DACH2: variants seen among roughly 807,000 people sequenced by gnomAD.
DACH2 encodes the protein dachshund family transcription factor 2.
Under a neutral mutation model 35.8 loss-of-function variants are expected in DACH2, and 17 were observed. That is an observed-to-expected ratio of 0.48 (90% confidence interval 0.33 to 0.71). The LOEUF is 0.71. Among genes scored for constraint, DACH2 ranks in the 30% least tolerant of loss-of-function variants. DACH2 has a pLI of 0.02. For synonymous variants in DACH2, 195 were observed against 177.3 expected (o/e 1.10, Z -0.79); for missense variants, 469 against 472.7 (o/e 0.99, Z 0.07).
At position 86,436,600 on chromosome X, in the gene DACH2, GT is replaced by G; in HGVS notation, c.527+59745del. Among the ~76,000 whole-genome samples the G allele has an allele frequency of 3.6e-5, 4 of 110,793 alleles. No homozygotes were observed. The Middle Eastern group carries it at 0.019, about 515-fold the overall frequency. On this transcript the variant is annotated intron_variant, in intron 2 of 11. Transcript: ENST00000373125. ...ATTTTATTGACAGATTTGGACTGTG[GT>G]TTTTTTCTTGCAATGTCTTTAGTTT...
At chrX:86,375,391 ATATATATATACATATATATATG>A (rs2035947911) in intron 1 of DACH2, among the ~76,000 whole-genome samples, 1 of 101,176 alleles carries the variant, frequency 9.9e-6, no homozygotes, top group African/African-American at 3.5e-5. Flanking sequence ...TAATACATAT[ATATATATATACATATATATATG>A]TATATATATA....
chrX:86,217,954 G>A (rs2032617461), intron 1 of DACH2, among the ~76,000 whole-genome samples: 1 of 111,740 alleles, frequency 8.9e-6, no homozygotes, highest in Non-Finnish European at 1.9e-5. Flanking sequence ...AGGGCTTCAA[G>A]TGGAGCAGCT....
chrX:86,622,262 A>C (rs193106775), intron 3 of DACH2, among the ~76,000 whole-genome samples: 4 of 111,952 alleles, frequency 3.6e-5, no homozygotes, highest in East Asian at 2.8e-4. Context: ...AGTCAAACCT[A>C]TTTATTTATT....
intron 1 of DACH2, among the ~76,000 whole-genome samples, chrX:86,149,776 T>A (rs1042788420): frequency 1.8e-5 from 2 of 112,603 alleles, no homozygotes; most frequent in Non-Finnish European, 3.7e-5. Flanking sequence ...CGATGGATAC[T>A]ATTTTTACAA....
At chrX:86,267,912 A>C (rs181060026) in intron 1 of DACH2, among the ~76,000 whole-genome samples, 3 of 112,221 alleles carry the variant, frequency 2.7e-5, no homozygotes, top group African/African-American at 9.7e-5. Flanking sequence ...TTCTCCTTAC[A>C]TAAATGGCAT....
chrX:86,252,255 C>T (rs1157935201), intron 1 of DACH2, among the ~76,000 whole-genome samples: 1 of 110,190 alleles, frequency 9.1e-6, no homozygotes, highest in Admixed American at 9.7e-5. Flanking sequence ...CTTTGCTGGA[C>T]GTATAGATTG....
intron 1 of DACH2, among the ~76,000 whole-genome samples, chrX:86,364,356 A>G (rs907813017): frequency 5.2e-5 from 4 of 76,677 alleles, no homozygotes; most frequent in African/African-American, 1.8e-4. Flanking sequence ...TGATCACTAT[A>G]AGACCAAGAG....
chrX:86,333,137 A>G (rs914010268), intron 1 of DACH2, among the ~76,000 whole-genome samples: 2 of 112,035 alleles, frequency 1.8e-5, no homozygotes, highest in Non-Finnish European at 3.8e-5. Flanking sequence ...CTGGATGTAG[A>G]CTTTTTATAT....
intron 1 of DACH2, among the ~76,000 whole-genome samples, chrX:86,208,177 A>G (rs939510696): frequency 6.4e-5 from 7 of 109,432 alleles, no homozygotes; most frequent in Non-Finnish European, 1.3e-4. Flanking sequence ...TATATCATAA[A>G]TGTTTCCTGA....
chrX:86,248,313 G>A (rs752720585), intron 1 of DACH2, among the ~76,000 whole-genome samples: 1 of 110,899 alleles, frequency 9.0e-6, no homozygotes, highest in African/African-American at 3.3e-5. Flanking sequence ...CTGCTCCAAA[G>A]CTCCTAGATC....
intron 3 of DACH2, among the ~76,000 whole-genome samples, chrX:86,578,595 T>G (rs1482648241): frequency 8.9e-6 from 1 of 111,977 alleles, no homozygotes; most frequent in East Asian, 2.8e-4. Flanking sequence ...CATATTGTTG[T>G]GTGGACTGGT....
At chrX:86,776,175 A>G (rs1452725907) in intron 7 of DACH2, among the ~76,000 whole-genome samples, 1 of 111,971 alleles carries the variant, frequency 8.9e-6, no homozygotes, top group Non-Finnish European at 1.9e-5. Context: ...TAACAAGAAT[A>G]CCATAAACGG....
chrX:86,785,760 G>A (rs1324113106), intron 7 of DACH2, among the ~76,000 whole-genome samples: 3 of 111,500 alleles, frequency 2.7e-5, no homozygotes, highest in African/African-American at 9.8e-5. Flanking sequence ...TATAATTGTG[G>A]AGATGAAGTT....
chrX:86,521,439 G>A (rs1334314938), intron 3 of DACH2, among the ~76,000 whole-genome samples: 7 of 111,554 alleles, frequency 6.3e-5, no homozygotes, highest in Non-Finnish European at 1.1e-4. Context: ...TTTGACGGTT[G>A]ACCTCTCTAG....
At chrX:86,697,643 G>C (rs1348675864) in intron 5 of DACH2, among the ~76,000 whole-genome samples, 1 of 109,862 alleles carries the variant, frequency 9.1e-6, no homozygotes. Context: ...GAACACGTGA[G>C]ATAGCTAATC....
intron 1 of DACH2, among the ~76,000 whole-genome samples, chrX:86,263,847 T>G (rs1202538068): frequency 8.9e-6 from 1 of 111,966 alleles, no homozygotes; most frequent in African/African-American, 3.2e-5. Flanking sequence ...TTTTAAGGCA[T>G]GCAGAAAACA....
At chrX:86,320,527 G>A in intron 1 of DACH2, among the ~76,000 whole-genome samples, 1 of 112,160 alleles carries the variant, frequency 8.9e-6, no homozygotes. Flanking sequence ...TAATTGAGGA[G>A]GCAATTGTCT....
intron 2 of DACH2, among the ~76,000 whole-genome samples, chrX:86,418,329 A>C: frequency 8.9e-6 from 1 of 112,366 alleles, no homozygotes; most frequent in Admixed American, 9.3e-5. Flanking sequence ...CTGACCCCAC[A>C]GTTCCCTTTT....
chrX:86,683,779 C>T (rs1809132278), intron 4 of DACH2, among the ~76,000 whole-genome samples: 1 of 111,238 alleles, frequency 9.0e-6, no homozygotes, highest in South Asian at 3.8e-4. Context: ...TATTGTATTG[C>T]TTTACATATT....
Sources: allele counts gnomAD v4.1 joint callset (sites outside exome capture counted in the v4.1 genomes callset), GRCh38; gene constraint gnomAD v4.1.1; transcripts MANE v1.5; gene names NCBI Gene and HGNC (gene_info 2026-07-23, HGNC 2026-07-21).